Variants in ADAMTS17 observed in about 807,000 individuals in gnomAD.
The protein encoded by ADAMTS17 is A disintegrin and metalloproteinase with thrombospondin motifs 17.
ADAMTS17 carries 113 observed loss-of-function variants against 141.5 expected under a neutral mutation model. The observed-to-expected ratio is 0.80, with a 90% CI of 0.69 to 0.93. The LOEUF is 0.93. Among genes scored for constraint, ADAMTS17 ranks in the 40% least tolerant of loss-of-function variants. The probability of loss-of-function intolerance (pLI) is 0.00; values close to 1 mark genes in which losing one functional copy is unlikely to be tolerated. For missense variants in ADAMTS17, 1,659 were observed against 1,517.9 expected, an observed-to-expected ratio of 1.09 and a Z score of -1.54; for synonymous variants, 768 against 630.6, an observed-to-expected ratio of 1.22 and a Z score of -3.27.
At chr15:100,211,889 A>G (rs889380072) in intron 7 of ADAMTS17, among the ~76,000 whole-genome samples, 4 of 152,202 alleles carry the variant, frequency 2.6e-5, no homozygotes, top group Non-Finnish European at 5.9e-5. Flanking sequence ...ATTAAAGAGA[A>G]TATAAATTGG....
At chr15:100,014,569 C>T (rs116213904) in intron 18 of ADAMTS17, among the ~76,000 whole-genome samples, 1,888 of 152,208 alleles carry the variant, frequency 0.012, 42 homozygotes, top group African/African-American at 0.043. Flanking sequence ...TCATTACTGT[C>T]GTTCAGTTCT....
chr15:100,269,598 C>T lies in ADAMTS17; in HGVS notation c.790-7163G>A, dbSNP rs370416515. The stretch of plus-strand genomic sequence containing the variant: ...GATAGAGACTCACTCTGCCCGCCCT[C>T]GCAGCCCCAGAGCAGTCCTGTTCCC... On this transcript the variant is annotated intron_variant, in intron 4 of 21. Coordinates refer to ENST00000268070, the MANE Select transcript of ADAMTS17 (RefSeq NM_139057.4). Among the ~76,000 whole-genome samples the T allele has an allele frequency of 8.5e-5, 13 of 152,296 alleles. No homozygotes were observed. In the South Asian group the frequency reaches 1.7e-3, roughly 19 times the overall value.
chr15:100,293,265 G>C lies in ADAMTS17; in HGVS notation c.617-11864C>G, dbSNP rs141132821. ...TGACAGAGGTGGCCCAAGCTGGCAG[G>C]AAGAGGTGAGGTGGTGACTTTTGTT... On this transcript the variant is annotated intron_variant, in intron 3 of 21. Coordinates refer to ENST00000268070, the MANE Select transcript of ADAMTS17 (RefSeq NM_139057.4). Among the ~76,000 whole-genome samples the C allele has an allele frequency of 4.4e-3, 677 of 152,292 alleles. 6 individuals carry two copies. The highest frequency in any genetic ancestry group is 0.015 in the African/African-American group (642 of 41,566).
At chr15:100,046,802 C>T (rs139433127) in intron 18 of ADAMTS17, among the ~76,000 whole-genome samples, 4 of 152,248 alleles carry the variant, frequency 2.6e-5, no homozygotes, top group Admixed American at 2.6e-4. Context: ...CCTCAGGACC[C>T]TGTGATGATT....
chr15:100,103,100 C>T (rs2036216669), intron 14 of ADAMTS17, among the ~76,000 whole-genome samples: 1 of 152,222 alleles, frequency 6.6e-6, no homozygotes, highest in Non-Finnish European at 1.5e-5. Context: ...TTAGTGGAGT[C>T]CCGCATGGAA....
At chr15:100,240,009 T>C (rs1220576882) in intron 7 of ADAMTS17, among the ~76,000 whole-genome samples, 1 of 152,170 alleles carries the variant, frequency 6.6e-6, no homozygotes, top group African/African-American at 2.4e-5. Context: ...AAAGCCAGAA[T>C]GTGCCCAACC....
Position 99,990,190 on chromosome 15 carries a change from C to T in ADAMTS17, c.2949+2858G>A, listed in dbSNP as rs145177794. 1.3e-4 allele frequency among the ~76,000 whole-genome samples: 20 copies of T among 152,280 alleles called. No individual in the cohort carries two copies. In the East Asian group the frequency reaches 3.1e-3, roughly 24 times the overall value. On this transcript the variant is annotated intron_variant, in intron 20 of 21. Coordinates refer to ENST00000268070, the MANE Select transcript of ADAMTS17 (RefSeq NM_139057.4). ...AGCTAAGACTATGGGCATGTGCCAC[C>T]ACGCCCAGCTATTTTTTTGATTTTT...
intron 4 of ADAMTS17, among the ~76,000 whole-genome samples, chr15:100,263,615 G>A (rs28430964): frequency 0.04 from 6,159 of 152,218 alleles, 417 homozygotes; most frequent in African/African-American, 0.14. Context: ...TGCAGCTGAC[G>A]AGCCCCAGGT....
chr15:100,171,864 G>A (rs943878531), intron 8 of ADAMTS17, among the ~76,000 whole-genome samples: 1 of 152,196 alleles, frequency 6.6e-6, no homozygotes, highest in Non-Finnish European at 1.5e-5. Flanking sequence ...CTTTTAAAAG[G>A]TCTTAACCCC....
At chr15:100,209,600 A>AT (rs2041722200) in intron 7 of ADAMTS17, among the ~76,000 whole-genome samples, 1 of 126,984 alleles carries the variant, frequency 7.9e-6, no homozygotes, top group African/African-American at 3.1e-5. Flanking sequence ...ATTACATTTT[A>AT]TTAAAAAAAA....
intron 7 of ADAMTS17, among the ~76,000 whole-genome samples, chr15:100,202,989 A>T (rs1046215521): frequency 1.3e-5 from 2 of 152,360 alleles, no homozygotes; most frequent in African/African-American, 4.8e-5. Flanking sequence ...AAAAATTTTT[A>T]AAAACATCAA....
chr15:100,306,982 T>C (rs2045247973), intron 3 of ADAMTS17, among the ~76,000 whole-genome samples: 2 of 152,164 alleles, frequency 1.3e-5, no homozygotes, highest in South Asian at 2.1e-4. Flanking sequence ...GAGAGGACCA[T>C]GGCAGGGACT....
chr15:100,205,774 A>T (rs925117426), intron 7 of ADAMTS17, among the ~76,000 whole-genome samples: 29 of 152,336 alleles, frequency 1.9e-4, no homozygotes, highest in African/African-American at 5.5e-4. Context: ...GCACACGCCT[A>T]GGGGAAGCAG....
chr15:100,255,576 G>A (rs1292146300), intron 6 of ADAMTS17, among the ~76,000 whole-genome samples: 3 of 135,036 alleles, frequency 2.2e-5, no homozygotes, highest in South Asian at 2.4e-4. Context: ...CCTAGCCCCA[G>A]CCCAACATTC....
chr15:100,159,529 A>G (rs2039593514), intron 8 of ADAMTS17, among the ~76,000 whole-genome samples: 1 of 152,242 alleles, frequency 6.6e-6, no homozygotes, highest in Admixed American at 6.5e-5. Context: ...GAGAGTTTTT[A>G]AATGAGCAGG....
In ADAMTS17 at chr15:99,997,104, A is replaced by G. The variant is rs1369888892; in HGVS notation, c.2796+281T>C. ...CCAAAGGAGAATTAAAAAGTCGGTC[A>G]GTATCTGTCTATCCTATCTTGATGT... is the stretch of plus-strand genomic sequence containing the variant. On this transcript the variant is annotated intron_variant, in intron 19 of 21. Coordinates refer to ENST00000268070, the MANE Select transcript of ADAMTS17 (RefSeq NM_139057.4). The surrounding 1 kb of genome is among the most constrained non-coding windows in gnomAD (Gnocchi z 4.7). Among the ~76,000 whole-genome samples the G allele has an allele frequency of 6.6e-6, 1 of 152,256 alleles. No individual in the cohort carries two copies. The highest frequency in any genetic ancestry group is 1.5e-5 in the Non-Finnish European group (1 of 68,046).
At chr15:100,224,943 C>A (rs1026901268) in intron 7 of ADAMTS17, among the ~76,000 whole-genome samples, 3 of 152,250 alleles carry the variant, frequency 2.0e-5, no homozygotes. Context: ...TGCATTCCAT[C>A]TGGACCCATG....
chr15:99,995,307 C>A (rs962220244), intron 19 of ADAMTS17, among the ~76,000 whole-genome samples: 1 of 152,256 alleles, frequency 6.6e-6, no homozygotes, highest in African/African-American at 2.4e-5. Flanking sequence ...TGCCTAAGTT[C>A]ACTCTTGCCT....
chr15:100,283,263 G>A (rs2044342992), intron 3 of ADAMTS17, among the ~76,000 whole-genome samples: 1 of 152,190 alleles, frequency 6.6e-6, no homozygotes, highest in South Asian at 2.1e-4. Context: ...GATGGAATAA[G>A]GGAAGAAAGC....
Sources: gnomAD v4.1 joint callset for allele counts (sites outside exome capture counted in the v4.1 genomes callset) on GRCh38, gnomAD v4.1.1 for gene constraint, Gnocchi (gnomAD v3.1) non-coding constraint, MANE v1.5 for transcripts, NCBI Gene and HGNC (gene_info 2026-07-23, HGNC 2026-07-21) for gene names.